The following ST7 variants were observed in gnomAD, a reference collection of about 807,000 sequenced individuals.
ST7 encodes suppression of tumorigenicity 7.
In ST7, 28 loss-of-function variants were observed where a neutral mutation model predicts 78.7. The observed-to-expected ratio is 0.36, with a 90% CI of 0.26 to 0.49. The LOEUF (loss-of-function observed/expected upper bound fraction) is 0.49. ST7 is among the 20% of genes least tolerant of loss of function. ST7 has a pLI of 0.99. For missense variants in ST7, 418 were observed against 696.0 expected, an observed-to-expected ratio of 0.60 and a Z score of 4.49; for synonymous variants, 247 against 249.6, an observed-to-expected ratio of 0.99 and a Z score of 0.10.
chr7:116,961,945 C>G (rs1313343626), intron 1 of ST7, among the ~76,000 whole-genome samples: 1 of 151,806 alleles, frequency 6.6e-6, no homozygotes, highest in African/African-American at 2.4e-5. Flanking sequence ...ACCCCCCCAC[C>G]CCCTGACTGG....
intron 9 of ST7, among the ~76,000 whole-genome samples, chr7:117,151,099 C>T (rs974929921): frequency 1.3e-5 from 2 of 152,230 alleles, no homozygotes; most frequent in African/African-American, 4.8e-5. Context: ...TGCAGTCGGT[C>T]TCCAGACTTC....
At chr7:116,977,110 G>A (rs543734214) in intron 1 of ST7, among the ~76,000 whole-genome samples, 2 of 152,288 alleles carry the variant, frequency 1.3e-5, no homozygotes, top group South Asian at 4.2e-4. Context: ...TTTTGCTTAA[G>A]TAATGTCAGA....
At chr7:117,129,122 T>A (rs1050874188) in intron 3 of ST7, among the ~76,000 whole-genome samples, 1 of 151,850 alleles carries the variant, frequency 6.6e-6, no homozygotes, top group Non-Finnish European at 1.5e-5. Context: ...CCTGGTATAA[T>A]AAAGAGGTAT....
chr7:117,196,807 C>T (rs985483099), intron 12 of ST7, among the ~76,000 whole-genome samples: 2 of 152,076 alleles, frequency 1.3e-5, no homozygotes, highest in South Asian at 2.1e-4. Context: ...CGTAGTCCCA[C>T]TTGTGTATTT....
intron 2 of ST7, among the ~76,000 whole-genome samples, chr7:117,115,292 CT>C (rs1470592033): frequency 6.6e-6 from 1 of 152,058 alleles, no homozygotes; most frequent in African/African-American, 2.4e-5. Flanking sequence ...ATGTCTCCCC[CT>C]ATTCATTCTT....
At chr7:117,129,696 A>G in intron 3 of ST7, 97 bp from the exon 4 acceptor site, 6 of 948,410 alleles carry the variant, frequency 6.3e-6, no homozygotes, top group Non-Finnish European at 1.0e-5. Flanking sequence ...GAATAGAATT[A>G]TCTTATCAAA....
At chr7:117,179,066 G>C (rs929665003) in intron 10 of ST7, among the ~76,000 whole-genome samples, 3 of 152,064 alleles carry the variant, frequency 2.0e-5, no homozygotes, top group Non-Finnish European at 2.9e-5. Context: ...TTCCACTGCT[G>C]TTTCAAATAG....
intron 10 of ST7, among the ~76,000 whole-genome samples, chr7:117,176,843 A>G (rs1451142610): frequency 2.6e-5 from 4 of 152,204 alleles, no homozygotes; most frequent in Non-Finnish European, 5.9e-5. Flanking sequence ...AGCCTCTGAA[A>G]ATACTCACCA....
chr7:117,116,633 T>A (rs1240679922), intron 2 of ST7, among the ~76,000 whole-genome samples: 1 of 152,242 alleles, frequency 6.6e-6, no homozygotes, highest in Non-Finnish European at 1.5e-5. Context: ...GGTCCTTTTT[T>A]ATTCTAGTGC....
At chr7:117,189,193 T>C (rs1809553151) in intron 10 of ST7, 128 bp from the exon 11 acceptor site, 1 of 537,402 alleles carries the variant, frequency 1.9e-6, no homozygotes, top group East Asian at 3.2e-5. Context: ...TTGTGTAATG[T>C]CTGTATTAAA....
chr7:117,089,904 A>G (rs563723310), intron 1 of ST7, among the ~76,000 whole-genome samples: 66 of 152,282 alleles, frequency 4.3e-4, no homozygotes, highest in African/African-American at 1.5e-3. Context: ...TTGCATGCTA[A>G]CACAGTACTG....
intron 11 of ST7, 65 bp downstream of exon 11, chr7:117,189,458 G>T: frequency 7.6e-7 from 1 of 1,323,364 alleles, no homozygotes; most frequent in East Asian, 2.5e-5. Context: ...TGCCTCTGAG[G>T]GCTTTCTCTG....
intron 1 of ST7, among the ~76,000 whole-genome samples, chr7:116,976,061 G>T (rs1793689730): frequency 6.6e-6 from 1 of 152,030 alleles, no homozygotes; most frequent in African/African-American, 2.4e-5. Flanking sequence ...AGGAGTTCGA[G>T]ACCAGCCTGG....
intron 2 of ST7, among the ~76,000 whole-genome samples, chr7:117,108,873 G>A (rs2116868256): frequency 6.6e-6 from 1 of 152,164 alleles, no homozygotes; most frequent in East Asian, 1.9e-4. Flanking sequence ...TGTAAAAGTG[G>A]TTGAGTTCTT....
intron 6 of ST7, among the ~76,000 whole-genome samples, chr7:117,133,674 TTTATTA>T (rs757530529): frequency 4.6e-5 from 7 of 151,534 alleles, no homozygotes; most frequent in Non-Finnish European, 8.8e-5. Context: ...TTTATTTTGT[TTTATTA>T]TTATTATTAT....
chr7:117,194,974 G>A (rs751562296), intron 12 of ST7, among the ~76,000 whole-genome samples: 1 of 152,128 alleles, frequency 6.6e-6, no homozygotes, highest in African/African-American at 2.4e-5. Context: ...CTCCTTCAGG[G>A]TACCAAAGAT....
Position 117,190,514 on chromosome 7 carries a change from C to T in ST7, c.1152-320C>T, listed in dbSNP as rs1809675477. Among the ~76,000 whole-genome samples, 1 of 152,214 alleles carries T rather than the reference C, an allele frequency of 6.6e-6. No individual in the cohort carries two copies. The highest frequency in any genetic ancestry group is 2.4e-5 in the African/African-American group (1 of 41,452). On this transcript the variant is annotated intron_variant, in intron 11 of 15. Coordinates refer to ENST00000323984, the MANE Select transcript of ST7 (RefSeq NM_001369598.1). The surrounding 1 kb of genome is among the most constrained non-coding windows in gnomAD (Gnocchi z 5.2). ...AACCTAGTTTTCTCTTTTTCCTACA[C>T]TGTCTGCCCTTGTCAGTCCTACCTC...
intron 1 of ST7, among the ~76,000 whole-genome samples, chr7:117,002,958 G>A (rs1407044783): frequency 6.6e-6 from 1 of 150,878 alleles, no homozygotes; most frequent in East Asian, 1.9e-4. Flanking sequence ...GAGTAGCTGG[G>A]ATTACAGGCA....
At chr7:117,116,043 C>T (rs1373844934) in intron 2 of ST7, among the ~76,000 whole-genome samples, 1 of 152,146 alleles carries the variant, frequency 6.6e-6, no homozygotes, top group Non-Finnish European at 1.5e-5. Flanking sequence ...ACCAAGGTCA[C>T]ATAGCCCAGC....
Sources: allele counts gnomAD v4.1 joint callset (sites outside exome capture counted in the v4.1 genomes callset), GRCh38; gene constraint gnomAD v4.1.1; non-coding constraint Gnocchi (gnomAD v3.1); transcripts MANE v1.5; gene names NCBI Gene and HGNC (gene_info 2026-07-23, HGNC 2026-07-21).